The following PDGFD variants were observed in gnomAD, a reference collection of about 807,000 sequenced individuals.
PDGFD encodes platelet-derived growth factor D.
Under a neutral mutation model 44.7 loss-of-function variants are expected in PDGFD, and 30 were observed. The observed-to-expected ratio is 0.67, with a 90% CI of 0.50 to 0.91. The LOEUF (loss-of-function observed/expected upper bound fraction) is 0.91. Among genes scored for constraint, PDGFD ranks in the 40% least tolerant of loss-of-function variants. The pLI is 0.00. For missense variants in PDGFD, 445 were observed against 457.8 expected (o/e 0.97, Z 0.25); for synonymous variants, 173 against 168.4 (o/e 1.03, Z -0.21).
At chr11:103,912,688 T>C (rs1219644693) in intron 6 of PDGFD, among the ~76,000 whole-genome samples, 1 of 151,754 alleles carries the variant, frequency 6.6e-6, no homozygotes, top group East Asian at 1.9e-4. Flanking sequence ...GACTGGCAAA[T>C]TGGATAAAGA....
chr11:104,140,405 C>T (rs1862068372), intron 1 of PDGFD, among the ~76,000 whole-genome samples: 1 of 152,066 alleles, frequency 6.6e-6, no homozygotes, highest in Non-Finnish European at 1.5e-5. Flanking sequence ...CATGCAATTA[C>T]TTAGTGCATG....
At chr11:103,939,550 C>G (rs7938997) in intron 5 of PDGFD, among the ~76,000 whole-genome samples, 49,392 of 151,760 alleles carry the variant, frequency 0.33, 8,382 homozygotes, top group East Asian at 0.39. Context: ...CCTTTATTTC[C>G]TTCTCCTGCC....
At chr11:104,024,724 A>G (rs1294182719) in intron 1 of PDGFD, among the ~76,000 whole-genome samples, 3 of 152,224 alleles carry the variant, frequency 2.0e-5, no homozygotes, top group Non-Finnish European at 4.4e-5. Context: ...TGCATTTCTC[A>G]AAAGTATCCC....
At chr11:104,084,656 G>A (rs1049027307) in intron 1 of PDGFD, among the ~76,000 whole-genome samples, 1 of 145,070 alleles carries the variant, frequency 6.9e-6, no homozygotes, top group Non-Finnish European at 1.5e-5. Context: ...ACCAAATTTT[G>A]TAATTATATA....
At chr11:104,003,103 G>GA (rs962585022) in intron 1 of PDGFD, among the ~76,000 whole-genome samples, 4 of 151,852 alleles carry the variant, frequency 2.6e-5, no homozygotes, top group African/African-American at 9.7e-5. Flanking sequence ...CGTACACTTG[G>GA]AAAAAAAAGT....
chr11:104,016,176 T>A (rs976489399), intron 1 of PDGFD, among the ~76,000 whole-genome samples: 1 of 152,174 alleles, frequency 6.6e-6, no homozygotes, highest in African/African-American at 2.4e-5. Context: ...AGGTGTCATC[T>A]CTCACAGGAA....
intron 1 of PDGFD, among the ~76,000 whole-genome samples, chr11:104,078,179 G>A (rs1308383852): frequency 6.6e-6 from 1 of 152,112 alleles, no homozygotes; most frequent in African/African-American, 2.4e-5. Context: ...ACACTTCTTT[G>A]GATCCATGGC....
chr11:104,103,611 G>GTCA (rs1861430133), intron 1 of PDGFD, among the ~76,000 whole-genome samples: 2 of 151,510 alleles, frequency 1.3e-5, no homozygotes, highest in Admixed American at 6.6e-5. Context: ...AAGGATGGAT[G>GTCA]TCATACAGGA....
intron 1 of PDGFD, among the ~76,000 whole-genome samples, chr11:104,074,157 G>A (rs2134423268): frequency 6.6e-6 from 1 of 152,278 alleles, no homozygotes; most frequent in Non-Finnish European, 1.5e-5. Flanking sequence ...TGCAGGATGA[G>A]TAGATTCTAG....
intron 1 of PDGFD, among the ~76,000 whole-genome samples, chr11:104,078,518 T>C (rs1246497838): frequency 1.3e-5 from 2 of 152,252 alleles, no homozygotes; most frequent in Non-Finnish European, 2.9e-5. Flanking sequence ...TCAGGCTTTC[T>C]TTTAATGACA....
At chr11:104,149,570 T>A (rs1240125235) in intron 1 of PDGFD, among the ~76,000 whole-genome samples, 2 of 152,162 alleles carry the variant, frequency 1.3e-5, no homozygotes, top group Non-Finnish European at 2.9e-5. Context: ...ATCACACAGC[T>A]CAAACAAGAA....
At chr11:104,055,027 A>C (rs955650632) in intron 1 of PDGFD, among the ~76,000 whole-genome samples, 1 of 152,204 alleles carries the variant, frequency 6.6e-6, no homozygotes, top group African/African-American at 2.4e-5. Flanking sequence ...TATTTATTTT[A>C]ATGTTAATGT....
chr11:103,984,153 T>C (rs1859316414), intron 3 of PDGFD, among the ~76,000 whole-genome samples: 1 of 151,574 alleles, frequency 6.6e-6, no homozygotes, highest in South Asian at 2.1e-4. Context: ...ATACACGGAA[T>C]CAAGACATAT....
rs1240273282 is a variant in PDGFD, at chr11:104,138,040, T to G, written c.124+25764A>C. ...CCTGCTCATCTTGTATCCTCCACTT[T>G]TAGCCAACACTTGCACCCCATAACT... On this transcript the variant is annotated intron_variant, in intron 1 of 6. Coordinates refer to ENST00000393158, the MANE Select transcript of PDGFD (RefSeq NM_025208.5). Among the ~76,000 whole-genome samples, 3 of 152,274 alleles carry G rather than the reference T, an allele frequency of 2.0e-5. No individual in the cohort carries two copies. The East Asian group carries it at 5.8e-4, about 29-fold the overall frequency.
chr11:104,118,137 C>G (rs1861668309), intron 1 of PDGFD, among the ~76,000 whole-genome samples: 1 of 151,754 alleles, frequency 6.6e-6, no homozygotes, highest in Non-Finnish European at 1.5e-5. Context: ...GTATTTCTTC[C>G]TGCTATGGAC....
Position 104,119,133 on chromosome 11 carries a change from T to TA in PDGFD, c.124+44670dup, listed in dbSNP as rs1861705001. Reference sequence around the variant, plus strand: ...ATTAATATAATATATTGATATAATATATAATATATTAATATAATATATTGA... The same window carrying TA: ...ATTAATATAATATATTGATATAATATAATAATATATTAATATAATATATTGA... On this transcript the variant is annotated intron_variant, in intron 1 of 6. Transcript: ENST00000393158. 5.3e-5 allele frequency among the ~76,000 whole-genome samples: 3 copies of TA among 56,454 alleles called. 1 individual carries two copies. Among genetic ancestry groups the TA allele is most frequent in the African/African-American group, 2.1e-4 (3 of 14,060 alleles). The allele number at this position is 56,454 out of a possible 152,430, so 37.0% of individuals were successfully genotyped here. A position where few individuals can be genotyped will look rare whatever the true frequency, so the allele number is the denominator to read the frequency against.
chr11:104,152,672 G>T (rs1237575956), intron 1 of PDGFD, among the ~76,000 whole-genome samples: 3 of 151,888 alleles, frequency 2.0e-5, no homozygotes, highest in East Asian at 1.9e-4. Flanking sequence ...TTTGTTTTTG[G>T]TTTGGCTTTT....
intron 1 of PDGFD, among the ~76,000 whole-genome samples, chr11:104,088,740 A>G (rs752814415): frequency 6.6e-6 from 1 of 152,184 alleles, no homozygotes; most frequent in Non-Finnish European, 1.5e-5. Context: ...ACAAAGGTCA[A>G]CTAGATCAGA....
intron 1 of PDGFD, among the ~76,000 whole-genome samples, chr11:104,100,080 A>G (rs1472235022): frequency 6.6e-6 from 1 of 152,144 alleles, no homozygotes; most frequent in Non-Finnish European, 1.5e-5. Context: ...ATGCCTAACA[A>G]GAAGGAATGG....
Sources: allele counts gnomAD v4.1 joint callset (sites outside exome capture counted in the v4.1 genomes callset), GRCh38; gene constraint gnomAD v4.1.1; transcripts MANE v1.5; gene names NCBI Gene and HGNC (gene_info 2026-07-23, HGNC 2026-07-21).